The following ZNF254 variants were observed in gnomAD, a reference collection of about 807,000 sequenced individuals.
ZNF254 encodes the protein CTD-2017D11.1.
In ZNF254, 10 loss-of-function variants were observed where a neutral mutation model predicts 12.4. That is an observed-to-expected ratio of 0.80 (90% CI 0.50 to 1.36). ZNF254 has a LOEUF of 1.36. Among genes scored for constraint, ZNF254 ranks in the 40% most tolerant of loss-of-function variants. ZNF254 has a pLI of 0.00. For synonymous variants in ZNF254, 305 were observed against 253.4 expected, an observed-to-expected ratio of 1.20 and a Z score of -1.93; for missense variants, 996 against 763.9, an observed-to-expected ratio of 1.30 and a Z score of -3.58.
In ZNF254 at chr19:24,128,241, T is replaced by C; in HGVS notation, c.*261T>C. ...GAACAACGTGGCCAAGCTTCGACAA[T>C]GCTCACACCCTATTGCACAGGAAAG... On this transcript the variant is annotated 3_prime_UTR_variant, in exon 4 of 4. Coordinates refer to ENST00000357002, the MANE Select transcript of ZNF254 (RefSeq NM_203282.4). The C allele has an allele frequency of 2.5e-6, 1 of 392,488 alleles. No homozygotes were observed. 24.3% of individuals were successfully genotyped at this position (392,488 alleles called of 1,614,324 possible).
chr19:24,067,221 A>G (rs1971308660), intron 2 of ZNF254, among the ~76,000 whole-genome samples: 1 of 151,540 alleles, frequency 6.6e-6, no homozygotes, highest in Admixed American at 6.6e-5. Context: ...CTCCTCTCTT[A>G]TCTTCACTTT....
Position 24,048,003 on chromosome 19 carries a change from C to CTTTTTTTTTTTTTTTTTTTTT in ZNF254, c.-94+1727_-94+1747dup, listed in dbSNP as rs398034320. ...CACCCGGCTCTTTTTTTCTTTTCTT[C>CTTTTTTTTTTTTTTTTTTTTT]TTTTTTTTTTTTTTTTTTTTTTTGC... On this transcript the variant is annotated intron_variant, in intron 2 of 4. Transcript: ENST00000613065. 9.6e-4 allele frequency among the ~76,000 whole-genome samples: 66 copies of CTTTTTTTTTTTTTTTTTTTTT among 68,814 alleles called. 4 individuals carry two copies. The highest frequency in any genetic ancestry group is 1.1e-3 in the African/African-American group (18 of 16,280). The allele number at this position is 68,814 out of a possible 152,430, so 45.1% of individuals were successfully genotyped here.
At chr19:24,099,812 C>T (rs1972902509) in intron 1 of ZNF254, among the ~76,000 whole-genome samples, 1 of 152,066 alleles carries the variant, frequency 6.6e-6, no homozygotes, top group African/African-American at 2.4e-5. Flanking sequence ...ATGTGATATT[C>T]AGATTTAAGT....
chr19:24,117,910 C>T (rs1171453229), intron 3 of ZNF254, among the ~76,000 whole-genome samples: 1 of 151,928 alleles, frequency 6.6e-6, no homozygotes, highest in Non-Finnish European at 1.5e-5. Flanking sequence ...TCTTTTGTTG[C>T]ATATTTTATA....
At chr19:24,047,306 T>C (rs537810219) in intron 2 of ZNF254, among the ~76,000 whole-genome samples, 2 of 152,032 alleles carry the variant, frequency 1.3e-5, no homozygotes, top group Non-Finnish European at 2.9e-5. Context: ...TTCTTTTTAA[T>C]TTTTTTTCCT....
At chr19:24,067,762 G>A (rs780600019) in intron 2 of ZNF254, among the ~76,000 whole-genome samples, 3 of 152,106 alleles carry the variant, frequency 2.0e-5, no homozygotes, top group Non-Finnish European at 4.4e-5. Context: ...CAGCACCTAC[G>A]TAATGGGACT....
At position 24,126,673 on chromosome 19, in the gene ZNF254, C is replaced by T; in HGVS notation, c.673C>T (p.Leu225Phe). 8 of 1,613,166 alleles carry T rather than the reference C, an allele frequency of 5.0e-6. No individual in the cohort carries two copies. The highest frequency in any genetic ancestry group is 5.9e-6 in the Non-Finnish European group (7 of 1,179,710). ...AAAAACCTTTAATTGGTCCTCAACC[C>T]TTACTAATCATAGGAAAATTTATAC... ...CGKTFNWSST[L>F]TNHRKIYTEE... Residue 225 changes from leucine to phenylalanine, a missense_variant, in exon 4 of 4, where the codon CTT becomes TTT. Transcript: ENST00000357002.
intron 3 of ZNF254, among the ~76,000 whole-genome samples, chr19:24,115,438 C>T (rs890579805): frequency 2.8e-5 from 4 of 144,474 alleles, no homozygotes; most frequent in South Asian, 2.2e-4. Flanking sequence ...AAAAACCAAA[C>T]ACCGCATATT....
intron 1 of ZNF254, chr19:24,033,674 G>A: frequency 3.1e-6 from 1 of 319,736 alleles, no homozygotes; most frequent in South Asian, 2.4e-5. Context: ...TGTGAAACCG[G>A]CGGGACTGCC....
chr19:24,053,758 A>G (rs1407316911), intron 2 of ZNF254, among the ~76,000 whole-genome samples: 1 of 147,624 alleles, frequency 6.8e-6, no homozygotes, highest in Non-Finnish European at 1.5e-5. Flanking sequence ...CCACAGAGGT[A>G]TTATAACATA....
chr19:24,118,922 C>T (rs953171045), intron 3 of ZNF254, among the ~76,000 whole-genome samples: 1 of 151,826 alleles, frequency 6.6e-6, no homozygotes, highest in African/African-American at 2.4e-5. Flanking sequence ...CCAGCCTGAC[C>T]AATATGGTGA....
intron 1 of ZNF254, among the ~76,000 whole-genome samples, chr19:24,102,228 T>A (rs1013799065): frequency 1.6e-5 from 2 of 124,966 alleles, no homozygotes; most frequent in Non-Finnish European, 3.3e-5. Context: ...AAACAAAATT[T>A]GTTTTTTTTT....
chr19:24,054,245 T>C (rs1314025865), intron 2 of ZNF254, among the ~76,000 whole-genome samples: 1 of 152,152 alleles, frequency 6.6e-6, no homozygotes, highest in Admixed American at 6.5e-5. Flanking sequence ...TCCTGCTTGT[T>C]TCCTTCCCTC....
At chr19:24,111,371 G>T (rs1973670339) in intron 3 of ZNF254, among the ~76,000 whole-genome samples, 1 of 152,096 alleles carries the variant, frequency 6.6e-6, no homozygotes. Context: ...ATTTGGGTTG[G>T]TTCCAAGTCT....
chr19:24,069,655 C>T (rs980036414), intron 2 of ZNF254, among the ~76,000 whole-genome samples: 8 of 145,200 alleles, frequency 5.5e-5, no homozygotes, highest in Non-Finnish European at 1.1e-4. Context: ...TGGTGGCTCA[C>T]ACCTGTAATC....
At chr19:24,037,629 GAT>G (rs1288820001) in intron 1 of ZNF254, among the ~76,000 whole-genome samples, 1 of 151,290 alleles carries the variant, frequency 6.6e-6, no homozygotes, top group Admixed American at 6.6e-5. Context: ...TTTTTTTTGA[GAT>G]GTAGTTTCGC....
Position 24,076,157 on chromosome 19 carries a change from T to G in ZNF254, c.-93-29783T>G, listed in dbSNP as rs1477148488. On this transcript the variant is annotated intron_variant, in intron 2 of 4. Transcript: ENST00000613065. ...TCCTCAGTTTATGAAGATGACAGGATTAAGAGATTAAAGACAGGCATAGGA... is the reference window on the plus strand; with the variant it reads ...TCCTCAGTTTATGAAGATGACAGGAGTAAGAGATTAAAGACAGGCATAGGA... Among the ~76,000 whole-genome samples, 3 of 152,160 alleles carry G rather than the reference T, an allele frequency of 2.0e-5. No homozygotes were observed. The East Asian group carries it at 5.8e-4, about 29-fold the overall frequency.
rs73021451 is a variant in ZNF254, at chr19:24,126,759, T to A, written c.759T>A (p.Leu253=). Residue 253 remains leucine, a synonymous_variant, in exon 4 of 4, where the codon CTT becomes CTA. Transcript: ENST00000357002. ...AATCTCCTAAGCAACTCTCAACCCT[T>A]ACTACACATGAAATAATTCATGCTG... is the stretch of plus-strand genomic sequence containing the variant. ...YNKSPKQLST[L]TTHEIIHAGE... 3.7e-6 allele frequency: 6 copies of A among 1,613,352 alleles called. No homozygotes were observed. The highest frequency in any genetic ancestry group is 5.1e-6 in the Non-Finnish European group (6 of 1,179,762).
intron 2 of ZNF254, chr19:24,080,213 ACC>A (rs1971799575): frequency 1.3e-5 from 2 of 152,282 alleles, no homozygotes; most frequent in Admixed American, 1.3e-4. Flanking sequence ...CTTGGTTGCA[ACC>A]TTAAGCTAAC....
Sources: gnomAD v4.1 joint callset for allele counts (sites outside exome capture counted in the v4.1 genomes callset) on GRCh38, gnomAD v4.1.1 for gene constraint, MANE v1.5 for transcripts, NCBI Gene and HGNC (gene_info 2026-07-23, HGNC 2026-07-21) for gene names.